COPA: variants seen among roughly 807,000 people sequenced by gnomAD.
The protein encoded by COPA is coatomer subunit alpha.
In COPA, 10 loss-of-function variants were observed where a neutral mutation model predicts 158.7. The observed-to-expected ratio is 0.06, with a 90% CI of 0.04 to 0.11. COPA has a LOEUF of 0.11. COPA is among the 10% of genes least tolerant of loss of function. The probability of loss-of-function intolerance (pLI) is 1.00; values close to 1 mark genes in which losing one functional copy is unlikely to be tolerated. For synonymous variants in COPA, 462 were observed against 542.8 expected (o/e 0.85, Z 2.07); for missense variants, 1,065 against 1,536.7 (o/e 0.69, Z 5.13).
intron 3 of COPA, among the ~76,000 whole-genome samples, chr1:160,338,479 G>A (rs1442033732): frequency 6.6e-6 from 1 of 152,084 alleles, no homozygotes; most frequent in Non-Finnish European, 1.5e-5. Flanking sequence ...AAATTTCACT[G>A]GTTCGGTTTG....
chr1:160,313,644 G>A (rs1659046487), intron 9 of COPA, among the ~76,000 whole-genome samples: 1 of 152,006 alleles, frequency 6.6e-6, no homozygotes, highest in Non-Finnish European at 1.5e-5. Flanking sequence ...TCAATCTCCT[G>A]ACCTCGTGAT....
intron 3 of COPA, among the ~76,000 whole-genome samples, chr1:160,336,856 A>G (rs12077433): frequency 0.025 from 3,774 of 152,302 alleles, 158 homozygotes; most frequent in African/African-American, 0.087. Context: ...ATGATCTTCC[A>G]AACAAGAATG....
intron 13 of COPA, among the ~76,000 whole-genome samples, chr1:160,308,324 TAA>T (rs1353114469): frequency 1.3e-5 from 2 of 151,916 alleles, no homozygotes; most frequent in Admixed American, 1.3e-4. Flanking sequence ...TGAACACATT[TAA>T]AAGAGAGGAG....
rs1209138713 is a variant in COPA at position 160,296,265 on chromosome 1, C to T, written c.2264-116G>A. On this transcript the variant is annotated intron_variant, in intron 21 of 32. Transcript: ENST00000241704. ...CTGACTCCTGGTATTCAAGTTGTTG[C>T]AAAATACCCACCTCTTAAGTGTGGG... is the stretch of plus-strand genomic sequence containing the variant. 9.1e-6 allele frequency: 7 copies of T among 769,768 alleles called. No homozygotes were observed. The East Asian group carries it at 1.8e-4, about 20-fold the overall frequency. The allele number at this position is 769,768 out of a possible 1,614,324, so 47.7% of individuals were successfully genotyped here. A position where few individuals can be genotyped will look rare whatever the true frequency, so the allele number is the denominator to read the frequency against.
At chr1:160,317,786 A>G in intron 8 of COPA, 1 of 949,146 alleles carries the variant, frequency 1.1e-6, no homozygotes, top group Non-Finnish European at 1.7e-6. Context: ...GGTGTTAAAA[A>G]CGGAATTGAA....
intron 12 of COPA, 78 bp downstream of exon 12, chr1:160,310,114 T>A: frequency 1.2e-6 from 1 of 832,152 alleles, no homozygotes. Context: ...TAAGAAGCCA[T>A]TAAAGATTCC....
intron 3 of COPA, among the ~76,000 whole-genome samples, chr1:160,336,311 C>T (rs933616659): frequency 6.1e-5 from 9 of 147,158 alleles, no homozygotes; most frequent in South Asian, 2.1e-4. Flanking sequence ...CCAGCCTGGG[C>T]GACAGAGAGA....
At chr1:160,309,465 T>C (rs2101841176) in intron 12 of COPA, among the ~76,000 whole-genome samples, 1 of 151,472 alleles carries the variant, frequency 6.6e-6, no homozygotes, top group Non-Finnish European at 1.5e-5. Flanking sequence ...ATTAACAGAC[T>C]AGGACCCTGA....
At chr1:160,325,482 C>G in intron 7 of COPA, 61 bp downstream of exon 7, 1 of 1,340,482 alleles carries the variant, frequency 7.5e-7, no homozygotes, top group Admixed American at 1.7e-5. Flanking sequence ...AAATGAACAA[C>G]ATACTGTGAC....
intron 14 of COPA, 44 bp downstream of exon 14, chr1:160,307,119 C>A: frequency 1.3e-6 from 2 of 1,586,840 alleles, no homozygotes; most frequent in South Asian, 2.2e-5. Flanking sequence ...AGGCCACTGC[C>A]ACCACACTCC....
chr1:160,337,109 A>T (rs1647804511), intron 3 of COPA, among the ~76,000 whole-genome samples: 1 of 152,202 alleles, frequency 6.6e-6, no homozygotes, highest in African/African-American at 2.4e-5. Flanking sequence ...ACTATTCTTT[A>T]ACTGACTTTT....
intron 11 of COPA, among the ~76,000 whole-genome samples, chr1:160,311,237 G>A (rs1016129114): frequency 9.9e-5 from 15 of 151,692 alleles, no homozygotes; most frequent in African/African-American, 2.9e-4. Context: ...TCAGGAGTTC[G>A]AGGCCAGCCT....
intron 7 of COPA, among the ~76,000 whole-genome samples, chr1:160,324,398 G>C (rs1659427569): frequency 1.4e-5 from 2 of 146,114 alleles, no homozygotes; most frequent in South Asian, 4.4e-4. Context: ...CCAGGATCAA[G>C]TGATTCTCCT....
intron 3 of COPA, among the ~76,000 whole-genome samples, chr1:160,339,139 C>G (rs1647919274): frequency 6.9e-6 from 1 of 143,958 alleles, no homozygotes. Context: ...CCTTATTTCT[C>G]CTTATTGGCC....
intron 17 of COPA, among the ~76,000 whole-genome samples, chr1:160,300,660 C>T (rs1658571543): frequency 6.6e-6 from 1 of 152,050 alleles, no homozygotes; most frequent in South Asian, 2.1e-4. Flanking sequence ...GATACTAAAA[C>T]CTAACAAGGA....
intron 15 of COPA, 195 bp from the exon 16 acceptor site, chr1:160,305,968 C>A: frequency 1.6e-6 from 1 of 607,236 alleles, no homozygotes; most frequent in Non-Finnish European, 2.9e-6. Flanking sequence ...GTGCACTTAC[C>A]CCTTCCTCAA....
chr1:160,310,271 A>G lies in COPA; in HGVS notation c.1077-13T>C, dbSNP rs765446570. 1.9e-6 allele frequency: 3 copies of G among 1,557,898 alleles called. No individual in the cohort carries two copies. Among genetic ancestry groups the G allele is most frequent in the South Asian group, 2.3e-5 (2 of 85,430 alleles). On this transcript the variant is annotated splice_polypyrimidine_tract_variant and intron_variant, in intron 11 of 32. Transcript: ENST00000241704. ...AAACTTGGAACCACTAGAGATATAT[A>G]TAGAAAAAGGAGAAAACAGGGAAGA...
Position 160,305,440 on chromosome 1 carries a change from T to A in COPA, c.1660A>T (p.Thr554Ser). 2 of 1,614,144 alleles carry A rather than the reference T, an allele frequency of 1.2e-6. No individual in the cohort carries two copies. The highest frequency in any genetic ancestry group is 8.5e-7 in the Non-Finnish European group (1 of 1,179,990). The change falls in exon 17 of 33, where the codon ACC becomes TCC. Residue 554 changes from threonine to serine, a missense_variant. Physicochemically the swap from Thr to Ser is moderately conservative, Grantham distance 58. Transcript: ENST00000241704. ...TTSNHIKYAVTTGDHGIIRTL... is the reference protein window; with the variant it reads ...TTSNHIKYAVSTGDHGIIRTL... Reference sequence around the variant, plus strand: ...CCCAGATAATTAACTTACCCAGTGGTGACAGCATATTTGATGTGGTTGCTT... The same window carrying A: ...CCCAGATAATTAACTTACCCAGTGGAGACAGCATATTTGATGTGGTTGCTT...
At chr1:160,307,047 A>G (rs1658810490) in intron 14 of COPA, 116 bp downstream of exon 14, 10 of 992,080 alleles carry the variant, frequency 1.0e-5, no homozygotes, top group Admixed American at 1.7e-5. Context: ...CAGCCAATAC[A>G]TGAGAATCAC....
Sources: allele counts gnomAD v4.1 joint callset (sites outside exome capture counted in the v4.1 genomes callset), GRCh38; gene constraint gnomAD v4.1.1; transcripts MANE v1.5; gene names NCBI Gene and HGNC (gene_info 2026-07-23, HGNC 2026-07-21).